The following RSRC1 variants were observed in gnomAD, a reference collection of about 807,000 sequenced individuals.
The protein encoded by RSRC1 is arginine and serine rich coiled-coil 1.
Under a neutral mutation model 49.1 loss-of-function variants are expected in RSRC1, and 39 were observed. That is an observed-to-expected ratio of 0.79 (90% CI 0.61 to 1.04). The LOEUF (loss-of-function observed/expected upper bound fraction) is 1.04. RSRC1 is among the 50% of genes least tolerant of loss of function. The pLI, the probability that RSRC1 is intolerant of heterozygous loss-of-function variation, is 0.00. For missense variants in RSRC1, 388 were observed against 402.4 expected (o/e 0.96, Z 0.31); for synonymous variants, 143 against 130.8 (o/e 1.09, Z -0.63).
intron 7 of RSRC1, among the ~76,000 whole-genome samples, chr3:158,489,774 CT>C (rs1738988863): frequency 6.6e-6 from 1 of 151,880 alleles, no homozygotes; most frequent in Non-Finnish European, 1.5e-5. Context: ...ATTGTTGTAG[CT>C]TTTTTAGTAT....
At chr3:158,253,827 A>G (rs1724367797) in intron 4 of RSRC1, among the ~76,000 whole-genome samples, 2 of 152,164 alleles carry the variant, frequency 1.3e-5, no homozygotes, top group African/African-American at 4.8e-5. Flanking sequence ...CAAGTTTGAT[A>G]CATAGGTATA....
intron 5 of RSRC1, among the ~76,000 whole-genome samples, chr3:158,326,832 C>G (rs951652351): frequency 2.6e-5 from 4 of 152,228 alleles, no homozygotes; most frequent in African/African-American, 7.2e-5. Flanking sequence ...ACCTCTGGTA[C>G]AATTCGGCTG....
intron 4 of RSRC1, among the ~76,000 whole-genome samples, chr3:158,235,053 T>C (rs1181381736): frequency 6.6e-6 from 1 of 152,082 alleles, no homozygotes; most frequent in African/African-American, 2.4e-5. Context: ...CATGGTGATG[T>C]TGGGGGAATT....
intron 5 of RSRC1, among the ~76,000 whole-genome samples, chr3:158,331,185 A>G (rs953826164): frequency 1.3e-5 from 2 of 152,214 alleles, no homozygotes; most frequent in Non-Finnish European, 2.9e-5. Flanking sequence ...GGTGAGGGGA[A>G]CACACACAGC....
chr3:158,477,798 T>TTTTTTATATATATA (rs1485762587), intron 7 of RSRC1, among the ~76,000 whole-genome samples: 3 of 89,772 alleles, frequency 3.3e-5, no homozygotes, highest in African/African-American at 1.4e-4. Flanking sequence ...CGGGAGGGAT[T>TTTTTTATATATATA]TATATATATA....
At chr3:158,399,186 G>A (rs1272892966) in intron 6 of RSRC1, among the ~76,000 whole-genome samples, 1 of 17,088 alleles carries the variant, frequency 5.9e-5, no homozygotes. Flanking sequence ...ACGGAGTCTC[G>A]CTCTGTCGCC....
intron 4 of RSRC1, chr3:158,275,842 C>T: frequency 1.8e-6 from 1 of 544,092 alleles, no homozygotes; most frequent in Non-Finnish European, 3.2e-6. Flanking sequence ...GAGTATTGCG[C>T]CTTCTCCAAG....
At chr3:158,385,060 A>G (rs1732901274) in intron 6 of RSRC1, among the ~76,000 whole-genome samples, 1 of 152,156 alleles carries the variant, frequency 6.6e-6, no homozygotes, top group African/African-American at 2.4e-5. Flanking sequence ...AGTAAATACA[A>G]TGAAATTTGC....
intron 3 of RSRC1, among the ~76,000 whole-genome samples, chr3:158,134,623 C>T (rs1319234909): frequency 2.0e-5 from 3 of 151,958 alleles, no homozygotes; most frequent in Middle Eastern, 3.2e-3. Flanking sequence ...GCGGAATTAT[C>T]AGTGAAATGT....
chr3:158,397,911 A>G (rs1395687737), intron 6 of RSRC1, among the ~76,000 whole-genome samples: 2 of 152,064 alleles, frequency 1.3e-5, no homozygotes, highest in Non-Finnish European at 2.9e-5. Context: ...ATTGGTGAAG[A>G]TTTTTAGAGA....
chr3:158,394,551 A>G (rs1733503699), intron 6 of RSRC1, among the ~76,000 whole-genome samples: 1 of 152,122 alleles, frequency 6.6e-6, no homozygotes, highest in African/African-American at 2.4e-5. Context: ...ACAACATTCC[A>G]GCTGAGAGCC....
chr3:158,281,921 A>G (rs1213576055), intron 4 of RSRC1, among the ~76,000 whole-genome samples: 1 of 152,224 alleles, frequency 6.6e-6, no homozygotes, highest in Non-Finnish European at 1.5e-5. Context: ...AACTGGTTCC[A>G]GGCCAAAATT....
chr3:158,115,327 G>T (rs770344296), intron 1 of RSRC1, among the ~76,000 whole-genome samples: 1 of 152,040 alleles, frequency 6.6e-6, no homozygotes, highest in South Asian at 2.1e-4. Context: ...AAGACAGATA[G>T]ATCTGTGTCC....
intron 6 of RSRC1, among the ~76,000 whole-genome samples, chr3:158,396,393 T>TTTG (rs1491422036): frequency 1.1e-5 from 1 of 94,894 alleles, no homozygotes; most frequent in East Asian, 2.5e-4. Context: ...ATGGGCAATG[T>TTTG]TTTTTTTTTT....
intron 5 of RSRC1, among the ~76,000 whole-genome samples, chr3:158,344,947 G>A (rs1730460430): frequency 6.6e-6 from 1 of 152,122 alleles, no homozygotes; most frequent in Non-Finnish European, 1.5e-5. Flanking sequence ...GGCCAGGCAC[G>A]GTGGCTTACG....
At chr3:158,119,166 A>AT (rs948825471) in intron 1 of RSRC1, among the ~76,000 whole-genome samples, 100 of 151,794 alleles carry the variant, frequency 6.6e-4, no homozygotes, top group East Asian at 3.1e-3. Flanking sequence ...AATTCAATCA[A>AT]TTTTTTTTTT....
intron 6 of RSRC1, among the ~76,000 whole-genome samples, chr3:158,434,017 A>G (rs1435835343): frequency 2.0e-5 from 3 of 151,948 alleles, no homozygotes; most frequent in Non-Finnish European, 4.4e-5. Flanking sequence ...TGAAACTCCA[A>G]AGACGTTAAA....
intron 7 of RSRC1, among the ~76,000 whole-genome samples, chr3:158,488,645 C>T (rs1467647763): frequency 1.3e-5 from 2 of 151,956 alleles, no homozygotes; most frequent in African/African-American, 4.8e-5. Flanking sequence ...AATAAAATTC[C>T]CTGATAATTT....
chr3:158,500,574 G>A (rs1485239361), intron 7 of RSRC1, among the ~76,000 whole-genome samples: 3 of 151,858 alleles, frequency 2.0e-5, no homozygotes, highest in Non-Finnish European at 4.4e-5. Context: ...TCTAATTCTT[G>A]CTGATTTAAG....
Sources: allele counts gnomAD v4.1 joint callset (sites outside exome capture counted in the v4.1 genomes callset), GRCh38; gene constraint gnomAD v4.1.1; transcripts MANE v1.5; gene names NCBI Gene and HGNC (gene_info 2026-07-23, HGNC 2026-07-21).